The following GSAP variants were observed in gnomAD, a reference collection of about 807,000 sequenced individuals.
The protein encoded by GSAP is gamma-secretase-activating protein.
GSAP carries 118 observed loss-of-function variants against 131.7 expected under a neutral mutation model. The ratio of observed to expected loss-of-function variants is 0.90; its 90% confidence interval spans 0.77 to 1.04. The LOEUF (loss-of-function observed/expected upper bound fraction) is 1.04, where lower values mean the gene tolerates loss of function less well. Ranked by LOEUF, GSAP falls within the 50% of genes least tolerant of loss-of-function variation. The probability of loss-of-function intolerance (pLI) is 0.00; values close to 1 mark genes in which losing one functional copy is unlikely to be tolerated. For synonymous variants in GSAP, 381 were observed against 363.4 expected, an observed-to-expected ratio of 1.05 and a Z score of -0.55; for missense variants, 1,019 against 1,013.2, an observed-to-expected ratio of 1.01 and a Z score of -0.08.
At chr7:77,376,794 A>AAG in intron 10 of GSAP, 54 bp downstream of exon 10, 3 of 684,616 alleles carry the variant, frequency 4.4e-6, no homozygotes. Context: ...AAAAAAAAAA[A>AAG]AGAGAGTAAT....
In GSAP at chr7:77,385,507, G is replaced by T. The variant is rs545639017; in HGVS notation, c.456+1853C>A. On this transcript the variant is annotated intron_variant, in intron 6 of 30. Coordinates refer to ENST00000257626, the MANE Select transcript of GSAP (RefSeq NM_017439.4). ...TCCCTTTAGTTACCCCAATCCTTCAGTCATGTCTCTACCATCTATATGGCC... is the reference window on the plus strand; with the variant it reads ...TCCCTTTAGTTACCCCAATCCTTCATTCATGTCTCTACCATCTATATGGCC... Among the ~76,000 whole-genome samples the T allele has an allele frequency of 2.6e-5, 4 of 152,172 alleles. No homozygotes were observed. The South Asian group carries it at 8.3e-4, about 32-fold the overall frequency.
chr7:77,353,807 G>T (rs1490185164), intron 16 of GSAP, 166 bp from the exon 17 acceptor site: 3 of 497,068 alleles, frequency 6.0e-6, no homozygotes, highest in Non-Finnish European at 1.1e-5. Context: ...ATGCAATTCT[G>T]GGTAGGTAAA....
intron 6 of GSAP, among the ~76,000 whole-genome samples, chr7:77,383,697 A>G (rs927340458): frequency 2.6e-4 from 39 of 152,256 alleles, no homozygotes; most frequent in African/African-American, 9.4e-4. Flanking sequence ...AACTGGTCAC[A>G]GGATGACTCA....
rs1788754870 is a variant in GSAP, at chr7:77,329,405, C to G, written c.1675-14G>C. On this transcript the variant is annotated splice_polypyrimidine_tract_variant and intron_variant, in intron 20 of 30. Coordinates refer to ENST00000257626, the MANE Select transcript of GSAP (RefSeq NM_017439.4). Reference sequence around the variant, plus strand: ...TTTTCCTGTTTTCTAGGAGTGAGAACACGTCAGAAATGTGGAAGGTAAAGG... The same window carrying G: ...TTTTCCTGTTTTCTAGGAGTGAGAAGACGTCAGAAATGTGGAAGGTAAAGG... 1 of 1,537,926 alleles carries G rather than the reference C, an allele frequency of 6.5e-7. No individual in the cohort carries two copies. Among genetic ancestry groups the G allele is most frequent in the East Asian group, 2.3e-5 (1 of 43,258 alleles).
At chr7:77,354,909 G>A (rs994962616) in intron 16 of GSAP, among the ~76,000 whole-genome samples, 3 of 152,062 alleles carry the variant, frequency 2.0e-5, no homozygotes, top group South Asian at 4.1e-4. Flanking sequence ...CAGACCAGGA[G>A]AAAAAGTAGA....
At chr7:77,359,142 A>G (rs546112315) in intron 14 of GSAP, among the ~76,000 whole-genome samples, 1 of 152,232 alleles carries the variant, frequency 6.6e-6, no homozygotes, top group East Asian at 1.9e-4. Flanking sequence ...CGGAAGTTAC[A>G]GTGAGCTGAA....
chr7:77,380,194 G>A (rs928413442), intron 8 of GSAP: 2 of 152,244 alleles, frequency 1.3e-5, no homozygotes, highest in African/African-American at 4.8e-5. Flanking sequence ...CACAGACTAA[G>A]ATAATATGCT....
At chr7:77,324,636 C>T (rs574691798) in intron 23 of GSAP, among the ~76,000 whole-genome samples, 2 of 152,202 alleles carry the variant, frequency 1.3e-5, no homozygotes, top group East Asian at 3.9e-4. Flanking sequence ...ATTAATTTGG[C>T]TTTAAATAAA....
intron 19 of GSAP, among the ~76,000 whole-genome samples, chr7:77,339,176 T>C (rs902733271): frequency 2.0e-4 from 31 of 152,128 alleles, no homozygotes; most frequent in African/African-American, 7.2e-4. Context: ...GACATGCTCA[T>C]GCAACCAGCT....
In GSAP at chr7:77,334,579, T is replaced by TAAAAAAA. The variant is rs1200040086; in HGVS notation, c.1546-4213_1546-4212insTTTTTTT. On this transcript the variant is annotated intron_variant, in intron 19 of 30. Transcript: ENST00000257626. The stretch of plus-strand genomic sequence containing the variant: ...GCCCATGTATCCTGGAACTTAAAAT[T>TAAAAAAA]TAAAAAAAAAAAAAAAAAAAAAAAA... Among the ~76,000 whole-genome samples, 342 of 82,352 alleles carry TAAAAAAA rather than the reference T, an allele frequency of 4.2e-3. 20 individuals carry two copies. The highest frequency in any genetic ancestry group is 0.015 in the African/African-American group (305 of 20,374). The allele number at this position is 82,352 out of a possible 152,430, so 54.0% of individuals were successfully genotyped here. A position where few individuals can be genotyped will look rare whatever the true frequency, so the allele number is the denominator to read the frequency against.
intron 12 of GSAP, among the ~76,000 whole-genome samples, chr7:77,372,413 AGAAATTAT>A (rs1489760993): frequency 1.3e-5 from 2 of 152,218 alleles, no homozygotes; most frequent in Admixed American, 6.5e-5. Flanking sequence ...ACGTTTTTCA[AGAAATTAT>A]GAAAATTTGA....
chr7:77,404,484 A>T, intron 3 of GSAP, 75 bp downstream of exon 3: 1 of 765,764 alleles, frequency 1.3e-6, no homozygotes, highest in Non-Finnish European at 2.2e-6. Flanking sequence ...GTTGGAATTT[A>T]TATCTAGAAA....
intron 6 of GSAP, among the ~76,000 whole-genome samples, chr7:77,386,583 T>G (rs1798599787): frequency 6.6e-6 from 1 of 152,242 alleles, no homozygotes; most frequent in Non-Finnish European, 1.5e-5. Context: ...ATGAAGCTTA[T>G]CTGAAACACA....
intron 1 of GSAP, chr7:77,415,517 A>G (rs1379576628): frequency 6.6e-6 from 1 of 152,304 alleles, no homozygotes; most frequent in African/African-American, 2.4e-5. Flanking sequence ...CAAATCATCA[A>G]AAAGCCCGGA....
chr7:77,311,256 A>G lies in GSAP; in HGVS notation c.*102T>C. On this transcript the variant is annotated 3_prime_UTR_variant, in exon 31 of 31. Coordinates refer to ENST00000257626, the MANE Select transcript of GSAP (RefSeq NM_017439.4). ...ATGGCTAAACAATTATGGCTAAACT[A>G]TTTTTGTTACCAATTTTAAATATTG... The G allele has an allele frequency of 1.3e-6, 1 of 774,090 alleles. No homozygotes were observed. Among genetic ancestry groups the G allele is most frequent in the South Asian group, 1.5e-5 (1 of 64,554 alleles). The allele number at this position is 774,090 out of a possible 1,614,324, so 48.0% of individuals were successfully genotyped here.
intron 5 of GSAP, among the ~76,000 whole-genome samples, 193 bp downstream of exon 5, chr7:77,396,785 TTGTC>T (rs899736181): frequency 3.3e-5 from 5 of 152,150 alleles, no homozygotes; most frequent in African/African-American, 7.2e-5. Context: ...TGTTAGAACA[TTGTC>T]TGTCCTTTTC....
chr7:77,386,539 C>A (rs1324922658), intron 6 of GSAP, among the ~76,000 whole-genome samples: 2 of 152,198 alleles, frequency 1.3e-5, no homozygotes, highest in Non-Finnish European at 2.9e-5. Context: ...CACTCCTTAA[C>A]CTCATGGCCA....
At chr7:77,343,099 G>A (rs1351140582) in intron 19 of GSAP, among the ~76,000 whole-genome samples, 2 of 152,154 alleles carry the variant, frequency 1.3e-5, no homozygotes, top group African/African-American at 2.4e-5. Flanking sequence ...CACAAGAGAC[G>A]GGACCGTGTT....
Position 77,406,070 on chromosome 7 carries a change from A to G in GSAP, c.145T>C (p.Leu49=). 8.7e-7 allele frequency: 1 copy of G among 1,145,904 alleles called. No homozygotes were observed. Among genetic ancestry groups the G allele is most frequent in the Non-Finnish European group, 1.2e-6 (1 of 845,796 alleles). The allele number at this position is 1,145,904 out of a possible 1,614,324, so 71.0% of individuals were successfully genotyped here. Residue 49 remains leucine (L), a synonymous_variant, in exon 2 of 31, where the codon TTA becomes CTA. Transcript: ENST00000257626. ...ATATTTCCATTTCTTTCAACATTTA[A>G]TACATGTAAGCTCTCATAATCGTTT... ...LENDYESLHV[L]NVERNGNIIY... is the part of the protein sequence containing the mutation.
Sources: gnomAD v4.1 joint callset for allele counts (sites outside exome capture counted in the v4.1 genomes callset) on GRCh38, gnomAD v4.1.1 for gene constraint, MANE v1.5 for transcripts, NCBI Gene and HGNC (gene_info 2026-07-23, HGNC 2026-07-21) for gene names.